Variants in SHISA6 observed in about 807,000 individuals in gnomAD.
SHISA6 encodes the protein protein shisa-6.
SHISA6 carries 22 observed loss-of-function variants against 47.9 expected under a neutral mutation model. The ratio of observed to expected loss-of-function variants is 0.46; its 90% CI spans 0.33 to 0.66. The LOEUF (loss-of-function observed/expected upper bound fraction) is 0.66, where lower values mean the gene tolerates loss of function less well. Ranked by LOEUF, SHISA6 falls within the 30% of genes least tolerant of loss-of-function variation. The probability of loss-of-function intolerance (pLI) is 0.02; values close to 1 mark genes in which losing one functional copy is unlikely to be tolerated. For missense variants in SHISA6, 680 were observed against 764.6 expected (o/e 0.89, Z 1.30); for synonymous variants, 388 against 337.8 (o/e 1.15, Z -1.63).
intron 2 of SHISA6, among the ~76,000 whole-genome samples, chr17:11,317,286 G>A (rs1455814906): frequency 6.7e-6 from 1 of 150,018 alleles, no homozygotes; most frequent in Non-Finnish European, 1.5e-5. Context: ...TTTTATTTTT[G>A]TTCAAAAAAA....
chr17:11,370,259 T>C (rs1912593009), intron 2 of SHISA6, among the ~76,000 whole-genome samples: 1 of 152,146 alleles, frequency 6.6e-6, no homozygotes, highest in Non-Finnish European at 1.5e-5. Context: ...CATGTAACTT[T>C]CTTAAGATAA....
intron 4 of SHISA6, among the ~76,000 whole-genome samples, chr17:11,555,353 T>C (rs2071967620): frequency 6.6e-6 from 1 of 152,040 alleles, no homozygotes; most frequent in South Asian, 2.1e-4. Flanking sequence ...GAGAGCTAGG[T>C]TTGCCTAAAG....
intron 3 of SHISA6, among the ~76,000 whole-genome samples, chr17:11,396,397 A>G (rs974222040): frequency 6.6e-6 from 1 of 152,204 alleles, no homozygotes; most frequent in Non-Finnish European, 1.5e-5. Flanking sequence ...TATTAAAAGA[A>G]TTAGGGTTGG....
intron 3 of SHISA6, among the ~76,000 whole-genome samples, chr17:11,522,979 A>G (rs1021531311): frequency 6.6e-6 from 1 of 152,194 alleles, no homozygotes; most frequent in African/African-American, 2.4e-5. Context: ...TTCCAAAACA[A>G]CTTGTACCAT....
intron 3 of SHISA6, among the ~76,000 whole-genome samples, chr17:11,467,778 G>T (rs1915847740): frequency 6.6e-6 from 1 of 152,204 alleles, no homozygotes. Flanking sequence ...CAGCCAAACA[G>T]ATCCAGGGTA....
At chr17:11,332,485 G>A (rs557279549) in intron 2 of SHISA6, among the ~76,000 whole-genome samples, 1 of 152,146 alleles carries the variant, frequency 6.6e-6, no homozygotes, top group Non-Finnish European at 1.5e-5. Flanking sequence ...TTTTGAAAAC[G>A]CTCCTTTGTT....
At chr17:11,425,244 C>T (rs898028481) in intron 3 of SHISA6, among the ~76,000 whole-genome samples, 2 of 151,418 alleles carry the variant, frequency 1.3e-5, no homozygotes, top group Admixed American at 1.3e-4. Flanking sequence ...TGGTTGGAAA[C>T]AAACCAGAAA....
At chr17:11,397,501 A>G (rs1913613113) in intron 3 of SHISA6, among the ~76,000 whole-genome samples, 2 of 151,542 alleles carry the variant, frequency 1.3e-5, no homozygotes, top group African/African-American at 4.9e-5. Flanking sequence ...TTATCTTCCA[A>G]CAGATTGCTC....
At chr17:11,473,539 T>G (rs1355224030) in intron 3 of SHISA6, among the ~76,000 whole-genome samples, 1 of 152,132 alleles carries the variant, frequency 6.6e-6, no homozygotes, top group Non-Finnish European at 1.5e-5. Context: ...ATCTCATCCA[T>G]GAGGGTGGAG....
intron 3 of SHISA6, among the ~76,000 whole-genome samples, chr17:11,424,733 G>A (rs1436750814): frequency 6.6e-6 from 1 of 151,980 alleles, no homozygotes; most frequent in Non-Finnish European, 1.5e-5. Flanking sequence ...GCCAGGCAGG[G>A]TGGCTCACGC....
chr17:11,271,272 T>A lies in SHISA6; in HGVS notation c.799+7746T>A, dbSNP rs150045931. Among the ~76,000 whole-genome samples, 1,372 of 152,144 alleles carry A rather than the reference T, an allele frequency of 9.0e-3. 26 individuals are homozygous for A. The highest frequency in any genetic ancestry group is 0.032 in the African/African-American group (1,311 of 41,510). The stretch of plus-strand genomic sequence containing the variant: ...GCCTTGGTTCTCCTCAGCCATGACC[T>A]TCTCAGTGGCTTTTTTCTATCACTT... On this transcript the variant is annotated intron_variant, in intron 2 of 5. Transcript: ENST00000441885.
intron 2 of SHISA6, among the ~76,000 whole-genome samples, chr17:11,335,510 G>A (rs980990921): frequency 7.9e-5 from 12 of 152,170 alleles, no homozygotes; most frequent in Admixed American, 7.2e-4. Context: ...CACCAGCACA[G>A]CCTTTCCCTG....
chr17:11,534,947 G>A (rs528109308), intron 3 of SHISA6, among the ~76,000 whole-genome samples: 1 of 152,138 alleles, frequency 6.6e-6, no homozygotes, highest in South Asian at 2.1e-4. Context: ...GGCCAACATG[G>A]TGAAACCCCA....
At chr17:11,418,585 A>C (rs1014191203) in intron 3 of SHISA6, among the ~76,000 whole-genome samples, 3 of 152,166 alleles carry the variant, frequency 2.0e-5, no homozygotes, top group African/African-American at 7.2e-5. Flanking sequence ...CAGTAACTCT[A>C]TCCACCACAC....
At chr17:11,489,070 T>C (rs1916416218) in intron 3 of SHISA6, among the ~76,000 whole-genome samples, 1 of 152,162 alleles carries the variant, frequency 6.6e-6, no homozygotes, top group African/African-American at 2.4e-5. Context: ...AGGCAAGATG[T>C]CTCCAAAATC....
At chr17:11,423,235 G>GTA (rs1255716487) in intron 3 of SHISA6, among the ~76,000 whole-genome samples, 5 of 138,854 alleles carry the variant, frequency 3.6e-5, no homozygotes, top group African/African-American at 1.2e-4. Flanking sequence ...GTGTGTGTGT[G>GTA]TGTGTATATA....
chr17:11,312,034 A>G (rs975667580), intron 2 of SHISA6, among the ~76,000 whole-genome samples: 13 of 152,188 alleles, frequency 8.5e-5, no homozygotes, highest in Non-Finnish European at 1.5e-4. Flanking sequence ...TGGGCCTCCC[A>G]AAATGCTGAG....
chr17:11,450,635 CA>C (rs1915370449), intron 3 of SHISA6, among the ~76,000 whole-genome samples: 2 of 151,810 alleles, frequency 1.3e-5, no homozygotes, highest in Admixed American at 6.6e-5. Flanking sequence ...GCAGAGGTTG[CA>C]GTGAGCCAAG....
intron 2 of SHISA6, among the ~76,000 whole-genome samples, chr17:11,283,332 G>A (rs1909186993): frequency 6.6e-6 from 1 of 152,194 alleles, no homozygotes; most frequent in Admixed American, 6.5e-5. Context: ...TCTGTAAGGA[G>A]ATTCAGGAGG....
Sources: allele counts gnomAD v4.1 joint callset (sites outside exome capture counted in the v4.1 genomes callset), GRCh38; gene constraint gnomAD v4.1.1; transcripts MANE v1.5; gene names NCBI Gene and HGNC (gene_info 2026-07-23, HGNC 2026-07-21).